Variants in ECT2L observed in about 807,000 individuals in gnomAD.
The protein encoded by ECT2L is epithelial cell-transforming sequence 2 oncogene-like.
In ECT2L, 126 loss-of-function variants were observed where a neutral mutation model predicts 122.8. That is an observed-to-expected ratio of 1.03 (90% CI 0.89 to 1.19). The LOEUF (loss-of-function observed/expected upper bound fraction) is 1.19. Among genes scored for constraint, ECT2L ranks in the 50% most tolerant of loss-of-function variants. The pLI is 0.00. For missense variants in ECT2L, 1,012 were observed against 1,064.1 expected, an observed-to-expected ratio of 0.95 and a Z score of 0.68; for synonymous variants, 385 against 381.8, an observed-to-expected ratio of 1.01 and a Z score of -0.10.
chr6:138,891,365 T>C (rs903720271), intron 20 of ECT2L, among the ~76,000 whole-genome samples: 1 of 152,258 alleles, frequency 6.6e-6, no homozygotes, highest in African/African-American at 2.4e-5. Context: ...GGTCTTTTCC[T>C]GATCCAGGAG....
chr6:138,805,245 C>T (rs1432060405), intron 1 of ECT2L, among the ~76,000 whole-genome samples: 1 of 152,182 alleles, frequency 6.6e-6, no homozygotes, highest in East Asian at 1.9e-4. Context: ...CTTGGGTTGT[C>T]TCCAGTTTGG....
At chr6:138,860,052 T>C (rs1276578804) in intron 10 of ECT2L, among the ~76,000 whole-genome samples, 2 of 152,202 alleles carry the variant, frequency 1.3e-5, no homozygotes, top group Non-Finnish European at 2.9e-5. Context: ...CTTGAACTCC[T>C]GACCTCAGGT....
At chr6:138,864,705 C>T (rs1777964017) in intron 11 of ECT2L, among the ~76,000 whole-genome samples, 1 of 152,224 alleles carries the variant, frequency 6.6e-6, no homozygotes, top group African/African-American at 2.4e-5. Context: ...GACAGCTCAG[C>T]TTCCCAATGC....
chr6:138,819,838 G>A (rs1355568243), intron 4 of ECT2L, among the ~76,000 whole-genome samples: 1 of 151,652 alleles, frequency 6.6e-6, no homozygotes, highest in Non-Finnish European at 1.5e-5. Context: ...AGTGAACTGA[G>A]ATCGCACCAT....
rs1168251033 is a variant in ECT2L at position 138,812,910 on chromosome 6, A to T, written c.-171A>T. The T allele has an allele frequency of 9.0e-5, 16 of 176,808 alleles. No homozygotes were observed. The highest frequency in any genetic ancestry group is 1.6e-4 in the Non-Finnish European group (14 of 84,856). The allele number at this position is 176,808 out of a possible 1,614,324, so 11.0% of individuals were successfully genotyped here. On this transcript the variant is annotated 5_prime_UTR_variant, in exon 2 of 22. Transcript: ENST00000541398. Reference sequence around the variant, plus strand: ...AAGTAGCATTTCCTGGAACGTTCTTAATGCTTCCCATTTTCCCAGCAAAGT... The same window carrying T: ...AAGTAGCATTTCCTGGAACGTTCTTTATGCTTCCCATTTTCCCAGCAAAGT...
chr6:138,814,925 C>T (rs546961911), intron 4 of ECT2L, among the ~76,000 whole-genome samples: 2 of 152,222 alleles, frequency 1.3e-5, no homozygotes, highest in East Asian at 3.9e-4. Flanking sequence ...CAATATATTG[C>T]AAATGGATGT....
At chr6:138,871,818 C>A (rs577321777) in intron 13 of ECT2L, among the ~76,000 whole-genome samples, 11 of 149,380 alleles carry the variant, frequency 7.4e-5, no homozygotes, top group South Asian at 4.3e-4. Flanking sequence ...AACAAACAAA[C>A]AAAAAAAAAC....
At chr6:138,900,799 T>A in intron 20 of ECT2L, 149 bp from the exon 21 acceptor site, 1 of 832,310 alleles carries the variant, frequency 1.2e-6, no homozygotes, top group Non-Finnish European at 1.8e-6. Flanking sequence ...TCAGGAGGAA[T>A]ATTATACTGA....
chr6:138,830,620 A>T (rs1172413787), intron 4 of ECT2L, among the ~76,000 whole-genome samples: 3 of 152,086 alleles, frequency 2.0e-5, no homozygotes, highest in African/African-American at 7.2e-5. Context: ...TTTTTCGGTT[A>T]TCTTGCTTGT....
Position 138,890,492 on chromosome 6 carries a change from C to CTTTTTTTTT in ECT2L, c.2414+1481_2414+1489dup, listed in dbSNP as rs552594959. ...TCATGACATTTTTGTTTTCTTTGAT[C>CTTTTTTTTT]TTTTTTTTTTTTTTTTTTTTTTTTT... On this transcript the variant is annotated intron_variant, in intron 20 of 21. Transcript: ENST00000541398. 7.6e-3 allele frequency among the ~76,000 whole-genome samples: 599 copies of CTTTTTTTTT among 78,942 alleles called. 59 individuals are homozygous for CTTTTTTTTT. Among genetic ancestry groups the CTTTTTTTTT allele is most frequent in the East Asian group, 0.015 (24 of 1,556 alleles). The allele number at this position is 78,942 out of a possible 152,430, so 51.8% of individuals were successfully genotyped here.
At chr6:138,896,779 CTGGGA>C (rs1474455483) in intron 20 of ECT2L, among the ~76,000 whole-genome samples, 3 of 152,144 alleles carry the variant, frequency 2.0e-5, no homozygotes, top group African/African-American at 2.4e-5. Flanking sequence ...TCCCAAGTAG[CTGGGA>C]CTATAGGTGT....
chr6:138,900,980 T>G lies in ECT2L; in HGVS notation c.2447T>G (p.Phe816Cys), dbSNP rs1435790458. Residue 816 changes from phenylalanine (F) to cysteine (C), a missense_variant, in exon 21 of 22, where the codon TTC (phenylalanine) becomes TGC (cysteine). Coordinates refer to ENST00000541398, the MANE Select transcript of ECT2L (RefSeq NM_001077706.3). Reference protein sequence around the residue: ...LYEHIHDLSLFLFNDALLVSS... With the variant: ...LYEHIHDLSLCLFNDALLVSS... ...GAACACATCCATGATCTCAGCCTTT[T>G]CCTCTTCAATGATGCCCTGCTCGTT... 22 of 1,614,198 alleles carry G rather than the reference T, an allele frequency of 1.4e-5. No homozygotes were observed. Among genetic ancestry groups the G allele is most frequent in the Non-Finnish European group, 1.9e-5 (22 of 1,180,024 alleles).
chr6:138,864,002 TAAAAAA>T lies in ECT2L; in HGVS notation c.1292-972_1292-967del, dbSNP rs1172466449. On this transcript the variant is annotated intron_variant, in intron 11 of 21. Coordinates refer to ENST00000541398, the MANE Select transcript of ECT2L (RefSeq NM_001077706.3). ...CTCTCTTGTTCTCATTCTCCGTATT[TAAAAAA>T]AAAAAAAAAAAAAAAAAAAAAGCAT... Among the ~76,000 whole-genome samples, 154 of 55,866 alleles carry T rather than the reference TAAAAAA, an allele frequency of 2.8e-3. 2 individuals carry two copies. In the South Asian group the frequency reaches 0.045, roughly 16 times the overall value. The allele number at this position is 55,866 out of a possible 152,430, so 36.7% of individuals were successfully genotyped here.
chr6:138,887,621 G>T (rs762771651), intron 19 of ECT2L, among the ~76,000 whole-genome samples: 2 of 152,120 alleles, frequency 1.3e-5, no homozygotes, highest in Non-Finnish European at 2.9e-5. Context: ...CTGTGTTAGC[G>T]ACGTGTTAAC....
In ECT2L at chr6:138,862,718, C is replaced by A. The variant is rs1324831652; in HGVS notation, c.1290C>A (p.His430Gln). The change falls in exon 11 of 22, where the codon CAC becomes CAA. Residue 430 changes from histidine to glutamine, a missense_variant and splice_region_variant. His to Gln is a conservative substitution (Grantham distance 24, BLOSUM62 0). Coordinates refer to ENST00000541398, the MANE Select transcript of ECT2L (RefSeq NM_001077706.3). ...GGATTGCAACTGGCTCTTACCAGCA[C>A]AGTAAGTGTTATGGGAGCTGAGCGC... ...PTGIATGSYQHILSDWLGSQW... is the reference protein window; with the variant it reads ...PTGIATGSYQQILSDWLGSQW... 1 of 1,613,688 alleles carries A rather than the reference C, an allele frequency of 6.2e-7. No individual in the cohort carries two copies. Among genetic ancestry groups the A allele is most frequent in the Admixed American group, 1.7e-5 (1 of 60,016 alleles).
At position 138,885,487 on chromosome 6, in the gene ECT2L, T is replaced by C. The variant is rs1035020356; in HGVS notation, c.2029-19T>C. 3 of 1,613,052 alleles carry C rather than the reference T, an allele frequency of 1.9e-6. No homozygotes were observed. The highest frequency in any genetic ancestry group is 2.5e-6 in the Non-Finnish European group (3 of 1,179,048). ...CAACTATCTCATAAAGTTTTGACAA[T>C]ATAATCCTCACCTTTTAGTGCAGAG... On this transcript the variant is annotated intron_variant, in intron 16 of 21. Coordinates refer to ENST00000541398, the MANE Select transcript of ECT2L (RefSeq NM_001077706.3).
chr6:138,809,540 G>A (rs1196217999), intron 1 of ECT2L, among the ~76,000 whole-genome samples: 2 of 152,122 alleles, frequency 1.3e-5, no homozygotes, highest in African/African-American at 4.8e-5. Context: ...TTCATAATGA[G>A]AAGTACATTG....
intron 20 of ECT2L, among the ~76,000 whole-genome samples, chr6:138,890,589 A>G (rs73559431): frequency 0.089 from 13,034 of 146,798 alleles, 1,194 homozygotes; most frequent in African/African-American, 0.23. Flanking sequence ...AATTCTAAAC[A>G]CACTGGTTTG....
At chr6:138,881,702 T>C (rs1778652171) in intron 15 of ECT2L, among the ~76,000 whole-genome samples, 1 of 151,934 alleles carries the variant, frequency 6.6e-6, no homozygotes, top group South Asian at 2.1e-4. Context: ...ATAAGGAGCA[T>C]GCAACCTAGA....
Sources: allele counts gnomAD v4.1 joint callset (sites outside exome capture counted in the v4.1 genomes callset), GRCh38; gene constraint gnomAD v4.1.1; transcripts MANE v1.5; gene names NCBI Gene and HGNC (gene_info 2026-07-23, HGNC 2026-07-21).